Variants in CSMD1 observed in about 807,000 individuals in gnomAD.
The protein encoded by CSMD1 is CUB and sushi domain-containing protein 1.
In CSMD1, 213 loss-of-function variants were observed where a neutral mutation model predicts 417.5. The ratio of observed to expected loss-of-function variants is 0.51; its 90% CI spans 0.46 to 0.57. The LOEUF (loss-of-function observed/expected upper bound fraction) is 0.57. Among genes scored for constraint, CSMD1 ranks in the 20% least tolerant of loss-of-function variants. CSMD1 has a pLI of 0.00. For synonymous variants in CSMD1, 2,862 were observed against 1,736.8 expected, an observed-to-expected ratio of 1.65 and a Z score of -16.11; for missense variants, 6,923 against 4,529.7, an observed-to-expected ratio of 1.53 and a Z score of -15.17.
At chr8:3,882,684 T>C (rs1806285886) in intron 5 of CSMD1, among the ~76,000 whole-genome samples, 2 of 152,154 alleles carry the variant, frequency 1.3e-5, no homozygotes, top group Non-Finnish European at 1.5e-5. Context: ...AACAAAATAC[T>C]ACACAGCAAT....
chr8:3,715,542 T>A (rs117409289), intron 6 of CSMD1, among the ~76,000 whole-genome samples: 5,262 of 152,248 alleles, frequency 0.035, 149 homozygotes, highest in Non-Finnish European at 0.05. Flanking sequence ...CAACCTTTTT[T>A]ATTTAGTTTT....
At chr8:4,349,820 C>CTTTT (rs35007995) in intron 3 of CSMD1, among the ~76,000 whole-genome samples, 2 of 139,412 alleles carry the variant, frequency 1.4e-5, no homozygotes, top group African/African-American at 5.2e-5. Flanking sequence ...ATGATATGAC[C>CTTTT]TTTTTTTTTT....
At chr8:4,725,476 T>C (rs1446668200) in intron 1 of CSMD1, among the ~76,000 whole-genome samples, 1 of 152,178 alleles carries the variant, frequency 6.6e-6, no homozygotes, top group Non-Finnish European at 1.5e-5. Flanking sequence ...GCTCAGAAAA[T>C]ACATAGTTAC....
chr8:4,656,527 T>G (rs1032818197), intron 1 of CSMD1, among the ~76,000 whole-genome samples: 2 of 152,060 alleles, frequency 1.3e-5, no homozygotes, highest in Non-Finnish European at 2.9e-5. Context: ...TCTGACAACT[T>G]TGGGTTTGTT....
chr8:3,688,995 T>C (rs184364679), intron 7 of CSMD1, among the ~76,000 whole-genome samples: 4 of 152,304 alleles, frequency 2.6e-5, no homozygotes, highest in African/African-American at 9.6e-5. Context: ...TTCGAGGCTC[T>C]GCATAGAGTT....
chr8:4,814,943 C>A (rs914494802), intron 1 of CSMD1, among the ~76,000 whole-genome samples: 2 of 152,108 alleles, frequency 1.3e-5, no homozygotes, highest in African/African-American at 4.8e-5. Flanking sequence ...TGCATTATGA[C>A]TGTTTATTAT....
intron 5 of CSMD1, among the ~76,000 whole-genome samples, chr8:3,854,101 C>T (rs1490311497): frequency 3.5e-5 from 5 of 143,660 alleles, no homozygotes; most frequent in African/African-American, 1.3e-4. Flanking sequence ...TTACATTATA[C>T]TTTATATAGT....
chr8:3,101,357 G>C (rs1263074770), intron 46 of CSMD1, among the ~76,000 whole-genome samples: 2 of 152,182 alleles, frequency 1.3e-5, no homozygotes, highest in Non-Finnish European at 2.9e-5. Context: ...CCACTTCTGT[G>C]ATGTCTCTTA....
intron 5 of CSMD1, among the ~76,000 whole-genome samples, chr8:3,926,044 A>C (rs145521734): frequency 8.1e-3 from 286 of 35,454 alleles, no homozygotes; most frequent in East Asian, 0.012. Context: ...CACACACACA[A>C]ACACCATATA....
intron 1 of CSMD1, among the ~76,000 whole-genome samples, chr8:4,891,387 C>T (rs191570460): frequency 4.6e-5 from 7 of 152,240 alleles, no homozygotes; most frequent in African/African-American, 1.7e-4. Flanking sequence ...TAACTTGACC[C>T]TTGATCAGGT....
chr8:3,162,893 C>G (rs1212622006), intron 37 of CSMD1, among the ~76,000 whole-genome samples: 1 of 152,102 alleles, frequency 6.6e-6, no homozygotes, highest in East Asian at 1.9e-4. Flanking sequence ...TTAAGACACT[C>G]ACAGATTTTT....
At chr8:3,936,102 C>T (rs1810472509) in intron 5 of CSMD1, among the ~76,000 whole-genome samples, 1 of 151,574 alleles carries the variant, frequency 6.6e-6, no homozygotes, top group South Asian at 2.1e-4. Flanking sequence ...AAGCCAAAGC[C>T]TAACTCTCTG....
chr8:3,564,368 A>G (rs904649044), intron 10 of CSMD1, among the ~76,000 whole-genome samples: 10 of 152,190 alleles, frequency 6.6e-5, no homozygotes, highest in African/African-American at 2.4e-4. Context: ...TAACTCCTAC[A>G]CAAACCTAGA....
chr8:4,153,548 C>G (rs1025147939), intron 3 of CSMD1, among the ~76,000 whole-genome samples: 1 of 152,198 alleles, frequency 6.6e-6, no homozygotes, highest in Non-Finnish European at 1.5e-5. Flanking sequence ...TCGTCAGCAG[C>G]GGCCTCCACG....
At chr8:3,995,025 C>T (rs1815094843) in intron 5 of CSMD1, among the ~76,000 whole-genome samples, 1 of 152,140 alleles carries the variant, frequency 6.6e-6, no homozygotes, top group Non-Finnish European at 1.5e-5. Context: ...CACAATGCTC[C>T]CCGTCCCTGT....
chr8:3,543,167 G>C (rs1220641030), intron 10 of CSMD1, among the ~76,000 whole-genome samples: 3 of 152,196 alleles, frequency 2.0e-5, no homozygotes, highest in Admixed American at 6.5e-5. Flanking sequence ...AATACCCTGA[G>C]ACCCAGGCAT....
chr8:4,009,264 T>G (rs1816368054), intron 4 of CSMD1, among the ~76,000 whole-genome samples: 1 of 152,210 alleles, frequency 6.6e-6, no homozygotes, highest in Non-Finnish European at 1.5e-5. Context: ...ATTTCAGACT[T>G]TTTAAAAAAG....
intron 7 of CSMD1, 99 bp downstream of exon 7, chr8:3,708,315 G>T: frequency 4.5e-6 from 4 of 884,432 alleles, no homozygotes; most frequent in Non-Finnish European, 7.4e-6. Context: ...AAGAGATAAC[G>T]TGGGGAAGGT....
intron 1 of CSMD1, among the ~76,000 whole-genome samples, chr8:4,704,725 C>A (rs540950000): frequency 6.6e-6 from 1 of 152,122 alleles, no homozygotes; most frequent in Non-Finnish European, 1.5e-5. Context: ...AATGGAATGC[C>A]TGTCCTTTCA....
Sources: allele counts gnomAD v4.1 joint callset (sites outside exome capture counted in the v4.1 genomes callset), GRCh38; gene constraint gnomAD v4.1.1; transcripts MANE v1.5; gene names NCBI Gene and HGNC (gene_info 2026-07-23, HGNC 2026-07-21).